RFX2: variants seen among roughly 807,000 people sequenced by gnomAD.
The protein encoded by RFX2 is regulatory factor X2.
Under a neutral mutation model 87.8 loss-of-function variants are expected in RFX2, and 20 were observed. The ratio of observed to expected loss-of-function variants is 0.23; its 90% CI spans 0.16 to 0.33. The LOEUF is 0.33. RFX2 is among the 10% of genes least tolerant of loss of function. The pLI is 1.00. For missense variants in RFX2, 767 were observed against 1,012.3 expected, an observed-to-expected ratio of 0.76 and a Z score of 3.29; for synonymous variants, 397 against 431.3, an observed-to-expected ratio of 0.92 and a Z score of 0.98.
chr19:6,060,511 C>T (rs889060798), intron 1 of RFX2, among the ~76,000 whole-genome samples: 3 of 152,214 alleles, frequency 2.0e-5, no homozygotes, highest in Admixed American at 6.5e-5. Flanking sequence ...TCCACTGCCA[C>T]TGAAACCCTG....
intron 16 of RFX2, among the ~76,000 whole-genome samples, chr19:5,996,647 T>C (rs1182138644): frequency 6.6e-6 from 1 of 152,222 alleles, no homozygotes; most frequent in African/African-American, 2.4e-5. Context: ...GTTGTGGATG[T>C]GCTAAGCGCC....
chr19:6,008,191 G>A lies in RFX2; in HGVS notation c.1049C>T (p.Pro350Leu). ...CTGCAGCAGGAAGCTGCCCAGGTCG[G>A]GCGCTGGGAACTCGGGGAAGACGTG... ...VSHVFPEFPA[P>L]DLGSFLLQDG... Residue 350 changes from proline (P) to leucine (L), a missense_variant, in exon 10 of 18, where the codon CCC becomes CTC. Pro to Leu is a moderately conservative substitution (Grantham distance 98). Transcript: ENST00000303657. 1 of 1,561,076 alleles carries A rather than the reference G, an allele frequency of 6.4e-7. No individual in the cohort carries two copies. The highest frequency in any genetic ancestry group is 8.7e-7 in the Non-Finnish European group (1 of 1,150,542).
intron 6 of RFX2, among the ~76,000 whole-genome samples, chr19:6,025,246 G>A (rs577960988): frequency 2.6e-5 from 4 of 152,214 alleles, no homozygotes; most frequent in South Asian, 2.1e-4. Flanking sequence ...AGCCTGCCAC[G>A]TCCCCCAGTC....
At position 6,045,652 on chromosome 19, in the gene RFX2, A is replaced by C. The variant is rs754930535; in HGVS notation, c.91-1370T>G. ...ACTGTCTGCCTTTTTGTTTTTGCGG[A>C]ATTGTGTTTTTTTGTTTTTGTTTTT... On this transcript the variant is annotated intron_variant, in intron 2 of 17. Coordinates refer to ENST00000303657, the MANE Select transcript of RFX2 (RefSeq NM_000635.4). The surrounding 1 kb of genome is among the most constrained non-coding windows in gnomAD (Gnocchi z 5.2). Among the ~76,000 whole-genome samples, 4 of 151,700 alleles carry C rather than the reference A, an allele frequency of 2.6e-5. No individual in the cohort carries two copies. Among genetic ancestry groups the C allele is most frequent in the Admixed American group, 1.3e-4 (2 of 15,254 alleles).
At chr19:6,104,936 G>A (rs2088190286) in intron 1 of RFX2, among the ~76,000 whole-genome samples, 2 of 152,012 alleles carry the variant, frequency 1.3e-5, no homozygotes, top group Non-Finnish European at 2.9e-5. Flanking sequence ...TGGCCAGCAT[G>A]GTGAAACCCT....
chr19:6,073,073 G>T, intron 1 of RFX2: 1 of 455,410 alleles, frequency 2.2e-6, no homozygotes. Flanking sequence ...TCCGCCTTCC[G>T]GGTTGAAGCA....
chr19:6,055,147 C>T (rs944218411), intron 1 of RFX2, among the ~76,000 whole-genome samples: 1 of 152,146 alleles, frequency 6.6e-6, no homozygotes, highest in Non-Finnish European at 1.5e-5. Context: ...CAAACTATAT[C>T]AAGATATCAC....
In RFX2 at chr19:6,023,325, G is replaced by T. The variant is rs1419063020; in HGVS notation, c.597+2838C>A. ...GAGGTGGCACTGTGGCTGTGCCCCCGCCTGACCTGCAGAAGGCCGCTGCCC... is the reference window on the plus strand; with the variant it reads ...GAGGTGGCACTGTGGCTGTGCCCCCTCCTGACCTGCAGAAGGCCGCTGCCC... On this transcript the variant is annotated intron_variant, in intron 6 of 17. Coordinates refer to ENST00000303657, the MANE Select transcript of RFX2 (RefSeq NM_000635.4). The surrounding 1 kb of genome is among the most constrained non-coding windows in gnomAD (Gnocchi z 4.9). 2 of 152,274 alleles carry T rather than the reference G, an allele frequency of 1.3e-5. No homozygotes were observed. The highest frequency in any genetic ancestry group is 4.8e-5 in the African/African-American group (2 of 41,452). 9.4% of individuals were successfully genotyped at this position (152,274 alleles called of 1,614,324 possible).
chr19:6,075,482 C>T (rs533554676), intron 1 of RFX2, among the ~76,000 whole-genome samples: 3 of 152,292 alleles, frequency 2.0e-5, no homozygotes, highest in Non-Finnish European at 2.9e-5. Context: ...CAAAGACTTA[C>T]GTGATAGCAG....
Position 6,002,031 on chromosome 19 carries a change from C to T in RFX2, c.1651-8G>A, listed in dbSNP as rs758642326. 2 of 1,598,526 alleles carry T rather than the reference C, an allele frequency of 1.3e-6. No homozygotes were observed. Among genetic ancestry groups the T allele is most frequent in the African/African-American group, 1.3e-5 (1 of 74,906 alleles). ...CACCCACGAGGCCTGCTCCTGTGGG[C>T]AGGGCAGAGGCCAGTGTCAGCAATG... On this transcript the variant is annotated splice_polypyrimidine_tract_variant and splice_region_variant and intron_variant, in intron 14 of 17. Transcript: ENST00000303657. This position sits in a 1 kb window ranked among gnomAD's most constrained non-coding sequence, Gnocchi z 6.7.
intron 12 of RFX2, among the ~76,000 whole-genome samples, chr19:6,006,687 T>C (rs2086586625): frequency 6.6e-6 from 1 of 151,926 alleles, no homozygotes; most frequent in African/African-American, 2.4e-5. Flanking sequence ...TGACCTCAAA[T>C]GATCTGCCCG....
rs566937744 is a variant in RFX2, at chr19:6,063,042, T to G, written c.-8-15538A>C. ...CTGGGGTCACCCACATCCCCTCCCGTGAGCTGCTGTGTCTCGTATCCCTCC... is the reference window on the plus strand; with the variant it reads ...CTGGGGTCACCCACATCCCCTCCCGGGAGCTGCTGTGTCTCGTATCCCTCC... On this transcript the variant is annotated intron_variant, in intron 1 of 17. Coordinates refer to ENST00000303657, the MANE Select transcript of RFX2 (RefSeq NM_000635.4). The surrounding 1 kb of genome is among the most constrained non-coding windows in gnomAD (Gnocchi z 4.0). Among the ~76,000 whole-genome samples the G allele has an allele frequency of 1.6e-4, 25 of 152,126 alleles. No individual in the cohort carries two copies. The highest frequency in any genetic ancestry group is 5.8e-4 in the African/African-American group (24 of 41,540).
chr19:6,025,937 C>G (rs1025819221), intron 6 of RFX2, among the ~76,000 whole-genome samples: 2 of 151,896 alleles, frequency 1.3e-5, no homozygotes, highest in African/African-American at 2.4e-5. Context: ...AGGCGCCCAC[C>G]ACCATGCCCA....
At chr19:6,057,854 C>G (rs1026424661) in intron 1 of RFX2, among the ~76,000 whole-genome samples, 1 of 152,132 alleles carries the variant, frequency 6.6e-6, no homozygotes, top group African/African-American at 2.4e-5. Context: ...AAGTCTTGTC[C>G]GTTTCCTTCT....
chr19:6,027,281 T>C lies in RFX2; in HGVS notation c.523-1044A>G, dbSNP rs1013766675. On this transcript the variant is annotated intron_variant, in intron 5 of 17. Coordinates refer to ENST00000303657, the MANE Select transcript of RFX2 (RefSeq NM_000635.4). This position sits in a 1 kb window ranked among gnomAD's most constrained non-coding sequence, Gnocchi z 5.0. ...CCACGGCCTCCGACCACGGTGGTTC[T>C]GCCTTCTCTCATTAGCTACCCTTGC... 12 of 152,348 alleles carry C rather than the reference T, an allele frequency of 7.9e-5. No homozygotes were observed. The East Asian group carries it at 2.3e-3, about 29-fold the overall frequency. The allele number at this position is 152,348 out of a possible 1,614,324, so 9.4% of individuals were successfully genotyped here. A position where few individuals can be genotyped will look rare whatever the true frequency, so the allele number is the denominator to read the frequency against.
intron 1 of RFX2, among the ~76,000 whole-genome samples, chr19:6,096,807 A>G (rs866528746): frequency 2.0e-5 from 3 of 152,178 alleles, no homozygotes; most frequent in South Asian, 4.1e-4. Context: ...ATTTAATTCA[A>G]CGCACTCCTG....
rs1024434507 is a variant in RFX2 at position 6,011,350 on chromosome 19, G to C, written c.900-1099C>G. ...GTGTGGTGTGGTGGGGGCAGGGAGG[G>C]AGCCGGCTTGAGCTGGAGCATCTCC... On this transcript the variant is annotated intron_variant, in intron 8 of 17. Transcript: ENST00000303657. This position sits in a 1 kb window ranked among gnomAD's most constrained non-coding sequence, Gnocchi z 4.8. 6.6e-6 allele frequency among the ~76,000 whole-genome samples: 1 copy of C among 152,084 alleles called. No individual in the cohort carries two copies. Among genetic ancestry groups the C allele is most frequent in the African/African-American group, 2.4e-5 (1 of 41,392 alleles).
Position 5,994,633 on chromosome 19 carries a change from C to T in RFX2, c.*202G>A. On this transcript the variant is annotated 3_prime_UTR_variant, in exon 18 of 18. Coordinates refer to ENST00000303657, the MANE Select transcript of RFX2 (RefSeq NM_000635.4). ...CTGGGGACCCAGAGCACAGCTACAG[C>T]CAGTGGGAGCCCTGGCCTGGGCTTC... 2 of 582,286 alleles carry T rather than the reference C, an allele frequency of 3.4e-6. No individual in the cohort carries two copies. Among genetic ancestry groups the T allele is most frequent in the East Asian group, 2.8e-5 (1 of 35,312 alleles). 36.1% of individuals were successfully genotyped at this position (582,286 alleles called of 1,614,324 possible).
At chr19:6,093,306 G>C (rs904971656) in intron 1 of RFX2, among the ~76,000 whole-genome samples, 2 of 152,128 alleles carry the variant, frequency 1.3e-5, no homozygotes, top group Non-Finnish European at 2.9e-5. Flanking sequence ...AGGTTGAGTG[G>C]GGCAGATTGC....
Sources: allele counts gnomAD v4.1 joint callset (sites outside exome capture counted in the v4.1 genomes callset), GRCh38; gene constraint gnomAD v4.1.1; non-coding constraint Gnocchi (gnomAD v3.1); transcripts MANE v1.5; gene names NCBI Gene and HGNC (gene_info 2026-07-23, HGNC 2026-07-21).